TMEM117: variants seen among roughly 807,000 people sequenced by gnomAD.
TMEM117 encodes the protein transmembrane protein 117.
In TMEM117, 27 loss-of-function variants were observed where a neutral mutation model predicts 52.4. That is an observed-to-expected ratio of 0.51 (90% CI 0.38 to 0.71). The LOEUF (loss-of-function observed/expected upper bound fraction) is 0.71, where lower values mean the gene tolerates loss of function less well. Among genes scored for constraint, TMEM117 ranks in the 30% least tolerant of loss-of-function variants. The pLI is 0.00. For missense variants in TMEM117, 556 were observed against 630.5 expected, an observed-to-expected ratio of 0.88 and a Z score of 1.26; for synonymous variants, 215 against 206.3, an observed-to-expected ratio of 1.04 and a Z score of -0.36.
At chr12:44,062,065 C>CA (rs1947148364) in intron 3 of TMEM117, among the ~76,000 whole-genome samples, 2 of 152,104 alleles carry the variant, frequency 1.3e-5, no homozygotes, top group Admixed American at 1.3e-4. Context: ...ATCTCTCTAT[C>CA]AAGCACGGAG....
At chr12:44,287,647 T>G (rs138102593) in intron 5 of TMEM117, among the ~76,000 whole-genome samples, 1 of 152,188 alleles carries the variant, frequency 6.6e-6, no homozygotes, top group South Asian at 2.1e-4. Flanking sequence ...TGAAAATGAA[T>G]GAAATCCTAG....
At chr12:43,903,638 C>T (rs952495594) in intron 2 of TMEM117, among the ~76,000 whole-genome samples, 19 of 152,198 alleles carry the variant, frequency 1.2e-4, no homozygotes, top group Non-Finnish European at 2.5e-4. Flanking sequence ...TTTAGGGGAA[C>T]TCTGACATTA....
the TMEM117 span, among the ~76,000 whole-genome samples, chr12:43,803,260 A>G: frequency 1.3e-5 from 2 of 152,182 alleles, no homozygotes; most frequent in Admixed American, 1.3e-4. Flanking sequence ...TGTAAACTCA[A>G]AGAGCACTAT....
chr12:44,328,746 C>T (rs1951228719), intron 6 of TMEM117, among the ~76,000 whole-genome samples: 2 of 151,842 alleles, frequency 1.3e-5, no homozygotes, highest in Non-Finnish European at 2.9e-5. Flanking sequence ...TTTTCATTAC[C>T]AGGAAAGTCA....
chr12:44,232,916 T>G (rs1949950939), intron 5 of TMEM117, among the ~76,000 whole-genome samples: 1 of 151,462 alleles, frequency 6.6e-6, no homozygotes, highest in South Asian at 2.1e-4. Flanking sequence ...ATAGTTTTTT[T>G]TAATAGTTTT....
chr12:44,029,597 C>T (rs1946600871), intron 3 of TMEM117, among the ~76,000 whole-genome samples: 1 of 152,182 alleles, frequency 6.6e-6, no homozygotes, highest in African/African-American at 2.4e-5. Flanking sequence ...CACTCTGCCA[C>T]AGGCAATGCT....
chr12:44,044,181 T>C (rs1865329268), intron 3 of TMEM117, among the ~76,000 whole-genome samples: 1 of 152,194 alleles, frequency 6.6e-6, no homozygotes, highest in Admixed American at 6.5e-5. Context: ...AGCACCTGTG[T>C]CTTTGAAGAG....
chr12:44,143,693 A>T, intron 4 of TMEM117, 69 bp downstream of exon 4: 1 of 1,127,474 alleles, frequency 8.9e-7, no homozygotes, highest in Non-Finnish European at 1.3e-6. Flanking sequence ...TTGGACAGAC[A>T]CTGCTTTTGA....
In TMEM117 at chr12:44,311,847, A is replaced by ATGTATATG. The variant is rs1565701734; in HGVS notation, c.768+12115_768+12116insGTGTATAT. 3.8e-3 allele frequency among the ~76,000 whole-genome samples: 462 copies of ATGTATATG among 122,718 alleles called. 17 individuals carry two copies. The highest frequency in any genetic ancestry group is 0.017 in the African/African-American group (449 of 25,916). 80.5% of individuals were successfully genotyped at this position (122,718 alleles called of 152,430 possible). A position where few individuals can be genotyped will look rare whatever the true frequency, so the allele number is the denominator to read the frequency against. ...TGTATATATGTATATATGTATATAT[A>ATGTATATG]TGTATATATGTATATATATGTATAT... is the stretch of plus-strand genomic sequence containing the variant. On this transcript the variant is annotated intron_variant, in intron 6 of 7. Coordinates refer to ENST00000266534, the MANE Select transcript of TMEM117 (RefSeq NM_032256.3).
chr12:44,136,328 T>A (rs1222193568), intron 3 of TMEM117, among the ~76,000 whole-genome samples: 1 of 152,100 alleles, frequency 6.6e-6, no homozygotes, highest in Non-Finnish European at 1.5e-5. Flanking sequence ...AAGACAGAAC[T>A]ATTCAGAGCA....
At chr12:43,845,303 A>G (rs1192606267) in intron 2 of TMEM117, among the ~76,000 whole-genome samples, 1 of 151,832 alleles carries the variant, frequency 6.6e-6, no homozygotes, top group Non-Finnish European at 1.5e-5. Context: ...TCTACTAAAA[A>G]TACAAAAAAT....
intron 6 of TMEM117, among the ~76,000 whole-genome samples, chr12:44,366,300 C>T (rs940455703): frequency 4.6e-5 from 7 of 151,928 alleles, no homozygotes; most frequent in Non-Finnish European, 8.8e-5. Flanking sequence ...GGTTCTTTAC[C>T]CCAGCATGTG....
chr12:44,078,817 A>G (rs1221297861), intron 3 of TMEM117, among the ~76,000 whole-genome samples: 1 of 151,864 alleles, frequency 6.6e-6, no homozygotes, highest in Non-Finnish European at 1.5e-5. Flanking sequence ...CCATCAACCC[A>G]TCACCTACAT....
In TMEM117 at chr12:44,249,823, C is replaced by T. The variant is rs1950175905; in HGVS notation, c.608+38436C>T. Among the ~76,000 whole-genome samples, 3 of 152,140 alleles carry T rather than the reference C, an allele frequency of 2.0e-5. No homozygotes were observed. In the South Asian group the frequency reaches 6.2e-4, roughly 32 times the overall value. The stretch of plus-strand genomic sequence containing the variant: ...ACAGAAACTGGACCCATTCCTTACA[C>T]CTTATACAAAAATTAACTCAAGATG... On this transcript the variant is annotated intron_variant, in intron 5 of 7. Coordinates refer to ENST00000266534, the MANE Select transcript of TMEM117 (RefSeq NM_032256.3).
intron 2 of TMEM117, among the ~76,000 whole-genome samples, chr12:43,862,563 C>T (rs1018327519): frequency 2.0e-5 from 3 of 152,182 alleles, no homozygotes; most frequent in Admixed American, 6.5e-5. Context: ...TTAAAAAGTC[C>T]TGACTGATAT....
chr12:44,069,173 G>T (rs1565814928), intron 3 of TMEM117, among the ~76,000 whole-genome samples: 1 of 151,996 alleles, frequency 6.6e-6, no homozygotes, highest in African/African-American at 2.4e-5. Flanking sequence ...ATAATAAAAT[G>T]TTTTTTAAAA....
At chr12:44,310,188 G>A (rs1305152111) in intron 6 of TMEM117, among the ~76,000 whole-genome samples, 1 of 152,138 alleles carries the variant, frequency 6.6e-6, no homozygotes, top group Non-Finnish European at 1.5e-5. Flanking sequence ...GTTTTTCTTT[G>A]AATTACAATT....
chr12:44,191,214 T>C (rs914204210), intron 4 of TMEM117, among the ~76,000 whole-genome samples: 3 of 151,914 alleles, frequency 2.0e-5, no homozygotes, highest in African/African-American at 7.3e-5. Flanking sequence ...ATTAACTCAC[T>C]ATCACGAGAG....
chr12:43,916,960 G>A (rs1410668883), intron 2 of TMEM117, among the ~76,000 whole-genome samples: 3 of 151,830 alleles, frequency 2.0e-5, no homozygotes, highest in African/African-American at 7.2e-5. Context: ...TGTTAAGGTT[G>A]CAGCCTCCTA....
Sources: gnomAD v4.1 joint callset for allele counts (sites outside exome capture counted in the v4.1 genomes callset) on GRCh38, gnomAD v4.1.1 for gene constraint, MANE v1.5 for transcripts, NCBI Gene and HGNC (gene_info 2026-07-23, HGNC 2026-07-21) for gene names.